The following CDO1 variants were observed in gnomAD, a reference collection of about 807,000 sequenced individuals.
The protein encoded by CDO1 is cysteine dioxygenase, type I.
CDO1 carries 19 observed loss-of-function variants against 24.5 expected under a neutral mutation model. That is an observed-to-expected ratio of 0.77 (90% CI 0.54 to 1.14). The LOEUF is 1.14. Among genes scored for constraint, CDO1 ranks in the 50% most tolerant of loss-of-function variants. The probability of loss-of-function intolerance (pLI) is 0.00; values close to 1 mark genes in which losing one functional copy is unlikely to be tolerated. For synonymous variants in CDO1, 91 were observed against 87.0 expected (o/e 1.05, Z -0.26); for missense variants, 244 against 244.8 (o/e 1.00, Z 0.02).
At chr5:115,815,477 A>G (rs1760390201) in intron 1 of CDO1, among the ~76,000 whole-genome samples, 1 of 152,222 alleles carries the variant, frequency 6.6e-6, no homozygotes, top group Non-Finnish European at 1.5e-5. Context: ...GGGGGCTGAA[A>G]AAAACGACGG....
chr5:115,809,113 C>A (rs1042946762), intron 3 of CDO1, among the ~76,000 whole-genome samples: 1 of 152,168 alleles, frequency 6.6e-6, no homozygotes, highest in Non-Finnish European at 1.5e-5. Context: ...CAGTTTTGAA[C>A]AAATGTTCAA....
At position 115,816,528 on chromosome 5, in the gene CDO1, C is replaced by T; in HGVS notation, c.-131G>A. On this transcript the variant is annotated 5_prime_UTR_variant, in exon 1 of 5. Transcript: ENST00000250535. ...CTAAGCAGACACACACGCACAAACC[C>T]AGCATTAGAGTGCCGAAACGTAAGG... 2 of 1,010,066 alleles carry T rather than the reference C, an allele frequency of 2.0e-6. No individual in the cohort carries two copies. The highest frequency in any genetic ancestry group is 2.0e-5 in the Admixed American group (1 of 49,404). 62.6% of individuals were successfully genotyped at this position (1,010,066 alleles called of 1,614,324 possible).
At chr5:115,813,838 A>C (rs952219320) in intron 1 of CDO1, 1 of 152,686 alleles carries the variant, frequency 6.5e-6, no homozygotes, top group African/African-American at 2.4e-5. Flanking sequence ...GAACCCTCTA[A>C]ACCTCTTACA....
intron 3 of CDO1, among the ~76,000 whole-genome samples, chr5:115,806,887 C>A (rs1156457983): frequency 6.6e-6 from 1 of 152,180 alleles, no homozygotes; most frequent in African/African-American, 2.4e-5. Context: ...TGATTTATAT[C>A]TTGAAACTCC....
At chr5:115,806,635 T>G in intron 3 of CDO1, 117 bp from the exon 4 acceptor site, 1 of 730,830 alleles carries the variant, frequency 1.4e-6, no homozygotes, top group Non-Finnish European at 2.2e-6. Flanking sequence ...GAATAGATAT[T>G]AATTAGAATT....
intron 1 of CDO1, among the ~76,000 whole-genome samples, chr5:115,814,932 C>G (rs907508946): frequency 2.0e-5 from 3 of 152,130 alleles, no homozygotes; most frequent in Non-Finnish European, 4.4e-5. Context: ...AATTTAAAAG[C>G]TAGACTCTCT....
At chr5:115,810,778 A>G (rs1245342779) in intron 3 of CDO1, among the ~76,000 whole-genome samples, 1 of 152,206 alleles carries the variant, frequency 6.6e-6, no homozygotes. Flanking sequence ...TTTTAGAAAA[A>G]CAGAGACTAG....
chr5:115,810,962 A>G (rs572721601), intron 3 of CDO1, among the ~76,000 whole-genome samples, 199 bp downstream of exon 3: 13 of 152,204 alleles, frequency 8.5e-5, no homozygotes, highest in Non-Finnish European at 1.5e-4. Context: ...ATCTGCATGC[A>G]TATGTTTTCA....
chr5:115,813,372 T>C, intron 1 of CDO1, 114 bp from the exon 2 acceptor site: 1 of 592,664 alleles, frequency 1.7e-6, no homozygotes, highest in South Asian at 2.3e-5. Context: ...TTTCCACCTC[T>C]AAGCAACTTT....
intron 3 of CDO1, among the ~76,000 whole-genome samples, chr5:115,810,483 C>T (rs1444083009): frequency 6.6e-6 from 1 of 152,170 alleles, no homozygotes. Context: ...GCTGAGTAAC[C>T]TTGGACAAAT....
chr5:115,812,611 T>C (rs901264106), intron 2 of CDO1, among the ~76,000 whole-genome samples: 1 of 152,292 alleles, frequency 6.6e-6, no homozygotes, highest in Admixed American at 6.5e-5. Flanking sequence ...CAGAGTATGG[T>C]TAACTTAAGG....
chr5:115,810,017 A>C (rs1760117594), intron 3 of CDO1, among the ~76,000 whole-genome samples: 1 of 152,186 alleles, frequency 6.6e-6, no homozygotes, highest in South Asian at 2.1e-4. Context: ...AAGCTTACCT[A>C]TTCTTAAAGA....
At chr5:115,815,223 C>T (rs1271857796) in intron 1 of CDO1, among the ~76,000 whole-genome samples, 3 of 152,112 alleles carry the variant, frequency 2.0e-5, no homozygotes, top group East Asian at 3.8e-4. Context: ...AACCCTAAAC[C>T]CAAAAAACCA....
chr5:115,806,288 T>C, intron 4 of CDO1, 61 bp downstream of exon 4: 16 of 1,127,382 alleles, frequency 1.4e-5, no homozygotes, highest in Non-Finnish European at 2.0e-5. Flanking sequence ...ATTCTTTGCA[T>C]ACATGCAGTG....
intron 1 of CDO1, among the ~76,000 whole-genome samples, chr5:115,813,741 A>G (rs1234756404): frequency 1.3e-5 from 2 of 152,190 alleles, no homozygotes; most frequent in Non-Finnish European, 2.9e-5. Flanking sequence ...ACCACATTCA[A>G]AAGCCCTTAT....
At chr5:115,814,872 G>A (rs565592576) in intron 1 of CDO1, among the ~76,000 whole-genome samples, 2 of 152,274 alleles carry the variant, frequency 1.3e-5, no homozygotes, top group South Asian at 4.1e-4. Context: ...GTGTCTGGAA[G>A]AGTACCTGTC....
chr5:115,812,444 T>G (rs1050505605), intron 2 of CDO1, among the ~76,000 whole-genome samples: 1 of 152,180 alleles, frequency 6.6e-6, no homozygotes, highest in Non-Finnish European at 1.5e-5. Context: ...ACTAAAGAAT[T>G]AACTTGAAGT....
chr5:115,805,010 T>A lies in CDO1; in HGVS notation c.*423A>T, dbSNP rs1034004863. 1 of 157,482 alleles carries A rather than the reference T, an allele frequency of 6.3e-6. No homozygotes were observed. Among genetic ancestry groups the A allele is most frequent in the African/African-American group, 2.4e-5 (1 of 41,672 alleles). The allele number at this position is 157,482 out of a possible 1,614,324, so 9.8% of individuals were successfully genotyped here. A position where few individuals can be genotyped will look rare whatever the true frequency, so the allele number is the denominator to read the frequency against. On this transcript the variant is annotated 3_prime_UTR_variant, in exon 5 of 5. Coordinates refer to ENST00000250535, the MANE Select transcript of CDO1 (RefSeq NM_001801.3). Reference sequence around the variant, plus strand: ...CTTCCAATATTAAGAACATACAAAGTATACTAAAGACATCTACATTTAGTC... The same window carrying A: ...CTTCCAATATTAAGAACATACAAAGAATACTAAAGACATCTACATTTAGTC...
Position 115,805,353 on chromosome 5 carries a change from A to C in CDO1, c.*80T>G. On this transcript the variant is annotated 3_prime_UTR_variant, in exon 5 of 5. Transcript: ENST00000250535. ...GGCTTATTTAAGTATATTACTGGATAGCACGTGGTAGGTAGCCTTTTTGTC... is the reference window on the plus strand; with the variant it reads ...GGCTTATTTAAGTATATTACTGGATCGCACGTGGTAGGTAGCCTTTTTGTC... The C allele has an allele frequency of 8.5e-7, 1 of 1,169,720 alleles. No individual in the cohort carries two copies. Among genetic ancestry groups the C allele is most frequent in the Non-Finnish European group, 1.3e-6 (1 of 787,570 alleles). The allele number at this position is 1,169,720 out of a possible 1,614,324, so 72.5% of individuals were successfully genotyped here. A position where few individuals can be genotyped will look rare whatever the true frequency, so the allele number is the denominator to read the frequency against.
Sources: gnomAD v4.1 joint callset for allele counts (sites outside exome capture counted in the v4.1 genomes callset) on GRCh38, gnomAD v4.1.1 for gene constraint, MANE v1.5 for transcripts, NCBI Gene and HGNC (gene_info 2026-07-23, HGNC 2026-07-21) for gene names.